Variants in DMXL2 observed in about 807,000 individuals in gnomAD.
DMXL2 encodes the protein dmX-like protein 2.
DMXL2 carries 103 observed loss-of-function variants against 331.1 expected under a neutral mutation model. The observed-to-expected ratio is 0.31, with a 90% CI of 0.27 to 0.37. The LOEUF is 0.37. Among genes scored for constraint, DMXL2 ranks in the 10% least tolerant of loss-of-function variants. DMXL2 has a pLI of 1.00. For synonymous variants in DMXL2, 1,281 were observed against 1,252.1 expected, an observed-to-expected ratio of 1.02 and a Z score of -0.49; for missense variants, 3,171 against 3,642.9, an observed-to-expected ratio of 0.87 and a Z score of 3.33.
chr15:51,596,260 G>C (rs2052793895), intron 1 of DMXL2, among the ~76,000 whole-genome samples: 4 of 152,164 alleles, frequency 2.6e-5, no homozygotes, highest in Non-Finnish European at 5.9e-5. Context: ...AGTGGGCGAA[G>C]GATATGAACA....
Position 51,486,313 on chromosome 15 carries a change from T to G in DMXL2, c.5242A>C (p.Ile1748Leu), listed in dbSNP as rs770698313. 1 of 1,596,030 alleles carries G rather than the reference T, an allele frequency of 6.3e-7. No individual in the cohort carries two copies. Among genetic ancestry groups the G allele is most frequent in the South Asian group, 1.1e-5 (1 of 90,178 alleles). ...CGGGCAATAACCATGGCTAGCTGAA[T>G]ATCTTCCATTTTTTCAAGACATACC... The part of the protein sequence containing the change: ...IEVCLEKMED[I>L]QLAMVIARLY... Residue 1748 changes from isoleucine (I) to leucine (L), a missense_variant, in exon 23 of 44, where the codon ATT (isoleucine) becomes CTT (leucine). By Grantham distance (5) the Ile-to-Leu change is conservative. Around this residue, in one of 7 missense-constraint regions of DMXL2, gnomAD observed 252 missense variants for 387.4 expected, o/e 0.65. Transcript: ENST00000560891.
intron 23 of DMXL2, among the ~76,000 whole-genome samples, chr15:51,483,824 G>A (rs149879829): frequency 4.0e-5 from 6 of 151,876 alleles, no homozygotes; most frequent in Admixed American, 3.9e-4. Flanking sequence ...ACACATCCCA[G>A]CCTGGTCAAA....
At chr15:51,598,146 T>C (rs183060666) in intron 1 of DMXL2, among the ~76,000 whole-genome samples, 1 of 152,190 alleles carries the variant, frequency 6.6e-6, no homozygotes, top group East Asian at 1.9e-4. Flanking sequence ...TCTCCTTTTA[T>C]GATACAGTAC....
chr15:51,455,284 A>G, intron 39 of DMXL2, 56 bp from the exon 40 acceptor site: 2 of 1,421,126 alleles, frequency 1.4e-6, no homozygotes, highest in East Asian at 4.6e-5. Context: ...AGCAAAGGTA[A>G]AAACATGGAA....
intron 1 of DMXL2, among the ~76,000 whole-genome samples, chr15:51,602,870 A>G (rs1452188009): frequency 6.6e-6 from 1 of 152,240 alleles, no homozygotes; most frequent in East Asian, 1.9e-4. Context: ...CCAGAGTCGC[A>G]TAACGTAATA....
chr15:51,486,393 G>T, intron 22 of DMXL2, 56 bp from the exon 23 acceptor site: 1 of 1,307,998 alleles, frequency 7.6e-7, no homozygotes, highest in Non-Finnish European at 1.1e-6. Context: ...TTAGAGAGAT[G>T]AAATATCCCA....
At chr15:51,493,529 C>G (rs529536984) in intron 19 of DMXL2, among the ~76,000 whole-genome samples, 1 of 152,296 alleles carries the variant, frequency 6.6e-6, no homozygotes, top group South Asian at 2.1e-4. Context: ...AGGCTATTCT[C>G]TGCAGTTTAC....
intron 6 of DMXL2, among the ~76,000 whole-genome samples, chr15:51,553,941 T>C (rs2140981934): frequency 6.6e-6 from 1 of 152,322 alleles, no homozygotes; most frequent in Non-Finnish European, 1.5e-5. Context: ...TTTTTGACTG[T>C]GCAGGGGGTT....
At chr15:51,582,812 T>A (rs1230786787) in intron 1 of DMXL2, among the ~76,000 whole-genome samples, 3 of 152,096 alleles carry the variant, frequency 2.0e-5, no homozygotes, top group African/African-American at 4.8e-5. Flanking sequence ...TTCTTTTTCA[T>A]AGAGGAAATC....
chr15:51,550,103 G>A (rs947974911), intron 6 of DMXL2, among the ~76,000 whole-genome samples: 1 of 152,150 alleles, frequency 6.6e-6, no homozygotes, highest in African/African-American at 2.4e-5. Context: ...TCATACTAGA[G>A]TTGTAGGGAT....
At chr15:51,608,435 T>C (rs1012857139) in intron 1 of DMXL2, among the ~76,000 whole-genome samples, 2 of 152,168 alleles carry the variant, frequency 1.3e-5, no homozygotes, top group African/African-American at 2.4e-5. Context: ...AATGAGATCA[T>C]GTCCTTTGCA....
intron 6 of DMXL2, among the ~76,000 whole-genome samples, chr15:51,548,939 T>G (rs988798755): frequency 6.6e-6 from 1 of 151,950 alleles, no homozygotes; most frequent in Admixed American, 6.6e-5. Flanking sequence ...AGTTCACTTT[T>G]GTTTAGTGTT....
intron 15 of DMXL2, among the ~76,000 whole-genome samples, chr15:51,510,630 T>C (rs942941782): frequency 6.6e-6 from 1 of 152,162 alleles, no homozygotes; most frequent in Non-Finnish European, 1.5e-5. Context: ...AAGTAATTTA[T>C]AGATTCAATG....
At chr15:51,460,330 T>C (rs1290801493) in intron 33 of DMXL2, 3 of 985,306 alleles carry the variant, frequency 3.0e-6, no homozygotes, top group Non-Finnish European at 3.6e-6. Context: ...GAAGGGCCAT[T>C]CAAATTTTCT....
chr15:51,538,159 C>T (rs931175035), intron 10 of DMXL2, 54 bp downstream of exon 10: 67 of 1,549,962 alleles, frequency 4.3e-5, no homozygotes, highest in Non-Finnish European at 3.0e-5. Context: ...AAAAGTGGTA[C>T]CACAGAAAGC....
At chr15:51,605,514 A>AT (rs2053520971) in intron 1 of DMXL2, among the ~76,000 whole-genome samples, 1 of 36,850 alleles carries the variant, frequency 2.7e-5, no homozygotes, top group South Asian at 1.1e-3. Flanking sequence ...ACAGATTAAT[A>AT]TTCTTTTTTT....
intron 1 of DMXL2, among the ~76,000 whole-genome samples, chr15:51,586,580 T>C (rs535335987): frequency 3.4e-5 from 4 of 117,128 alleles, no homozygotes; most frequent in Non-Finnish European, 6.0e-5. Flanking sequence ...TAATTTAATG[T>C]TACTAAAAAA....
At chr15:51,602,738 T>C (rs971152207) in intron 1 of DMXL2, among the ~76,000 whole-genome samples, 22 of 152,168 alleles carry the variant, frequency 1.4e-4, no homozygotes, top group Non-Finnish European at 3.2e-4. Flanking sequence ...GCTTTGAAAA[T>C]GGAACTTACA....
chr15:51,509,847 G>C (rs1396885232), intron 15 of DMXL2, among the ~76,000 whole-genome samples: 4 of 152,132 alleles, frequency 2.6e-5, no homozygotes, highest in Admixed American at 1.3e-4. Flanking sequence ...ACATCAAAAA[G>C]CTTATCCACC....
Sources: allele counts gnomAD v4.1 joint callset (sites outside exome capture counted in the v4.1 genomes callset), GRCh38; gene constraint gnomAD v4.1.1; regional missense constraint gnomAD v4.1.1; transcripts MANE v1.5; gene names NCBI Gene and HGNC (gene_info 2026-07-23, HGNC 2026-07-21).